Variants in ENOX1 observed in about 807,000 individuals in gnomAD.
The protein encoded by ENOX1 is candidate growth-related and time keeping constitutive hydroquinone (NADH) oxidase.
In ENOX1, 42 loss-of-function variants were observed where a neutral mutation model predicts 82.5. The observed-to-expected ratio is 0.51, with a 90% CI of 0.40 to 0.66. The LOEUF (loss-of-function observed/expected upper bound fraction) is 0.66. Among genes scored for constraint, ENOX1 ranks in the 30% least tolerant of loss-of-function variants. The pLI, the probability that ENOX1 is intolerant of heterozygous loss-of-function variation, is 0.00. For synonymous variants in ENOX1, 271 were observed against 282.2 expected (o/e 0.96, Z 0.40); for missense variants, 608 against 811.6 (o/e 0.75, Z 3.05).
At chr13:43,731,030 T>C (rs2089309906) in intron 1 of ENOX1, among the ~76,000 whole-genome samples, 1 of 152,236 alleles carries the variant, frequency 6.6e-6, no homozygotes, top group East Asian at 1.9e-4. Flanking sequence ...CTTACTCATC[T>C]GCGTATACCC....
rs532620325 is a variant in ENOX1, at chr13:43,416,732, C to T, written c.-74-3744G>A. On this transcript the variant is annotated intron_variant, in intron 3 of 16. Transcript: ENST00000690772. ...GGCGCTCCTCACTTCCCAGACAGGGCGGCCGGGCAGAGGGGCTCCTCACAT... is the reference window on the plus strand; with the variant it reads ...GGCGCTCCTCACTTCCCAGACAGGGTGGCCGGGCAGAGGGGCTCCTCACAT... 1.8e-4 allele frequency among the ~76,000 whole-genome samples: 26 copies of T among 147,370 alleles called. No homozygotes were observed. In the East Asian group the frequency reaches 3.7e-3, roughly 21 times the overall value.
At chr13:43,623,854 A>G (rs1448222876) in intron 2 of ENOX1, among the ~76,000 whole-genome samples, 5 of 152,134 alleles carry the variant, frequency 3.3e-5, no homozygotes, top group African/African-American at 1.2e-4. Context: ...GGTTTTTTCC[A>G]ATTTTTGAGT....
intron 3 of ENOX1, among the ~76,000 whole-genome samples, chr13:43,430,388 T>C (rs78907708): frequency 0.043 from 6,591 of 152,286 alleles, 494 homozygotes; most frequent in African/African-American, 0.15. Context: ...GACCTACATA[T>C]ACTGAAGCAA....
chr13:43,470,095 C>T (rs1213096343), intron 3 of ENOX1, among the ~76,000 whole-genome samples: 1 of 150,624 alleles, frequency 6.6e-6, no homozygotes, highest in African/African-American at 2.4e-5. Flanking sequence ...CTACACTGAC[C>T]TCACACAACA....
intron 1 of ENOX1, among the ~76,000 whole-genome samples, chr13:43,765,054 T>C (rs1031669135): frequency 6.6e-6 from 1 of 152,208 alleles, no homozygotes; most frequent in Non-Finnish European, 1.5e-5. Context: ...AACTGATCCA[T>C]AGGAACACGC....
rs115861388 is a variant in ENOX1, at chr13:43,753,421, T to C, written c.-285+33231A>G. Among the ~76,000 whole-genome samples the C allele has an allele frequency of 5.0e-3, 755 of 152,332 alleles. 7 individuals are homozygous for C. Among genetic ancestry groups the C allele is most frequent in the African/African-American group, 0.017 (693 of 41,570 alleles). On this transcript the variant is annotated intron_variant, in intron 1 of 16. Coordinates refer to ENST00000690772, the MANE Select transcript of ENOX1 (RefSeq NM_001347969.2). The stretch of plus-strand genomic sequence containing the variant: ...ATCCCTAAGTATTTCGTATTTTTGA[T>C]ACTATTGTAAATGGCATTTTTGTTT...
At chr13:43,645,073 A>G (rs1369177128) in intron 2 of ENOX1, among the ~76,000 whole-genome samples, 1 of 152,246 alleles carries the variant, frequency 6.6e-6, no homozygotes, top group Non-Finnish European at 1.5e-5. Flanking sequence ...CATGTATCAA[A>G]TAATAGTTTT....
chr13:43,768,236 A>T (rs190830985), intron 1 of ENOX1, among the ~76,000 whole-genome samples: 1 of 152,338 alleles, frequency 6.6e-6, no homozygotes, highest in East Asian at 1.9e-4. Context: ...CCAAAAAACC[A>T]TAGCAGACAA....
chr13:43,785,821 T>C (rs962916679), intron 1 of ENOX1, among the ~76,000 whole-genome samples: 1 of 152,118 alleles, frequency 6.6e-6, no homozygotes, highest in Non-Finnish European at 1.5e-5. Context: ...GCCCCGGGTG[T>C]CCAACCTATG....
intron 2 of ENOX1, among the ~76,000 whole-genome samples, chr13:43,582,245 TA>T (rs201310859): frequency 0.021 from 3,131 of 152,028 alleles, 50 homozygotes; most frequent in Non-Finnish European, 0.032. Context: ...AAATAACTTT[TA>T]AAAAAAATCC....
At chr13:43,521,593 A>ACTCTCATG (rs1357204559) in intron 2 of ENOX1, among the ~76,000 whole-genome samples, 1 of 152,026 alleles carries the variant, frequency 6.6e-6, no homozygotes, top group Non-Finnish European at 1.5e-5. Flanking sequence ...CTATAAGACC[A>ACTCTCATG]CTCTCATGTC....
rs1369843159 is a variant in ENOX1, at chr13:43,361,452, T to C, written c.209A>G (p.Asp70Gly). The C allele has an allele frequency of 6.2e-7, 1 of 1,607,396 alleles. No individual in the cohort carries two copies. The highest frequency in any genetic ancestry group is 8.5e-7 in the Non-Finnish European group (1 of 1,178,478). The change falls in exon 6 of 17, where the codon GAC (aspartate) becomes GGC (glycine). Residue 70 changes from aspartate to glycine, a missense_variant and splice_region_variant. Asp to Gly is a moderately conservative substitution (Grantham distance 94, BLOSUM62 -1). Transcript: ENST00000690772. Reference protein sequence around the residue: ...VGLPGQQLVSDSICVPGFDPS... With the variant: ...VGLPGQQLVSGSICVPGFDPS... ...ATCAAAGCCTGGGACACAGATTGAG[T>C]CTGTAAAGTATACAAGATAACATTT...
intron 14 of ENOX1, among the ~76,000 whole-genome samples, chr13:43,243,135 C>CAAA (rs748084568): frequency 5.8e-4 from 47 of 81,424 alleles, no homozygotes; most frequent in Middle Eastern, 7.2e-3. Context: ...GACTCTGTCT[C>CAAA]AAAAAAAAAA....
intron 2 of ENOX1, among the ~76,000 whole-genome samples, chr13:43,553,117 T>C (rs1414893767): frequency 6.6e-6 from 1 of 152,052 alleles, no homozygotes; most frequent in African/African-American, 2.4e-5. Flanking sequence ...CACCGGTACC[T>C]AAAGACAGGT....
intron 14 of ENOX1, among the ~76,000 whole-genome samples, chr13:43,253,990 GTA>G (rs2043606974): frequency 6.6e-6 from 1 of 152,220 alleles, no homozygotes; most frequent in East Asian, 1.9e-4. Context: ...AGTCATGTCT[GTA>G]TGTTTGTATA....
rs1039047619 is a variant in ENOX1, at chr13:43,427,762, T to C, written c.-74-14774A>G. On this transcript the variant is annotated intron_variant, in intron 3 of 16. Coordinates refer to ENST00000690772, the MANE Select transcript of ENOX1 (RefSeq NM_001347969.2). Reference sequence around the variant, plus strand: ...AGTACCAGCAGACATGAACTTGCTATAGCATGGCAAATTAGATATTCTTAG... The same window carrying C: ...AGTACCAGCAGACATGAACTTGCTACAGCATGGCAAATTAGATATTCTTAG... Among the ~76,000 whole-genome samples, 14 of 152,336 alleles carry C rather than the reference T, an allele frequency of 9.2e-5. 1 individual carries two copies. Among genetic ancestry groups the C allele is most frequent in the Admixed American group, 6.5e-4 (10 of 15,296 alleles).
chr13:43,376,929 G>A (rs1464216301), intron 5 of ENOX1, among the ~76,000 whole-genome samples: 1 of 152,136 alleles, frequency 6.6e-6, no homozygotes, highest in Non-Finnish European at 1.5e-5. Context: ...GGCCTGCCTT[G>A]CACTGGCCTC....
At chr13:43,530,996 T>C (rs2078185835) in intron 2 of ENOX1, among the ~76,000 whole-genome samples, 1 of 151,794 alleles carries the variant, frequency 6.6e-6, no homozygotes, top group Admixed American at 6.6e-5. Flanking sequence ...CCTTATAAAA[T>C]AATAAGTGGG....
chr13:43,513,896 C>A (rs1331554417), intron 2 of ENOX1, among the ~76,000 whole-genome samples: 1 of 152,068 alleles, frequency 6.6e-6, no homozygotes, highest in African/African-American at 2.4e-5. Flanking sequence ...AACTATGATT[C>A]TGCATTAATT....
Sources: allele counts gnomAD v4.1 joint callset (sites outside exome capture counted in the v4.1 genomes callset), GRCh38; gene constraint gnomAD v4.1.1; transcripts MANE v1.5; gene names NCBI Gene and HGNC (gene_info 2026-07-23, HGNC 2026-07-21).